Variants in NAALADL2 observed in about 807,000 individuals in gnomAD.
NAALADL2 encodes N-acetylated alpha-linked acidic dipeptidase like 2, also known as inactive N-acetylated-alpha-linked acidic dipeptidase-like protein 2.
Under a neutral mutation model 87.2 loss-of-function variants are expected in NAALADL2, and 76 were observed. The observed-to-expected ratio is 0.87, with a 90% CI of 0.72 to 1.05. The LOEUF is 1.05. NAALADL2 is among the 50% of genes least tolerant of loss of function. The pLI is 0.00. For missense variants in NAALADL2, 1,089 were observed against 945.8 expected (o/e 1.15, Z -1.99); for synonymous variants, 354 against 331.0 (o/e 1.07, Z -0.75).
At chr3:175,025,242 G>GA (rs202134073) in intron 1 of NAALADL2, among the ~76,000 whole-genome samples, 16 of 149,148 alleles carry the variant, frequency 1.1e-4, no homozygotes, top group Admixed American at 4.0e-4. Context: ...GCAGGCATAT[G>GA]AAAAAAAAAA....
chr3:175,793,069 C>T (rs751806464), intron 13 of NAALADL2, among the ~76,000 whole-genome samples: 7 of 152,116 alleles, frequency 4.6e-5, no homozygotes, highest in Admixed American at 1.3e-4. Context: ...GAAAGAATTA[C>T]CTTTTGCTTA....
chr3:174,685,120 T>A lies in NAALADL2; in HGVS notation c.-114-52521T>A, dbSNP rs368711272. ...TTCCCTGAATGGTCCCAAATGTATA[T>A]CCTACGCTCAGATCTCTCCCCAAAA... On this transcript the variant is annotated intron_variant, in intron 2 of 3. Transcript: ENST00000434257. 6.1e-4 allele frequency among the ~76,000 whole-genome samples: 93 copies of A among 152,220 alleles called. 2 individuals carry two copies. The South Asian group carries it at 0.018, about 30-fold the overall frequency.
chr3:175,379,760 G>T (rs1767570995), intron 5 of NAALADL2, among the ~76,000 whole-genome samples: 1 of 151,976 alleles, frequency 6.6e-6, no homozygotes, highest in Non-Finnish European at 1.5e-5. Context: ...AGGTTTGTCT[G>T]ATTGAATATG....
At chr3:175,498,214 G>T (rs554033353) in intron 9 of NAALADL2, among the ~76,000 whole-genome samples, 31 of 152,110 alleles carry the variant, frequency 2.0e-4, no homozygotes, top group African/African-American at 7.2e-4. Context: ...AGCCTCAAAA[G>T]GACAAATCTA....
At chr3:174,876,353 C>T (rs1047337336) in intron 1 of NAALADL2, among the ~76,000 whole-genome samples, 3 of 152,124 alleles carry the variant, frequency 2.0e-5, no homozygotes, top group Non-Finnish European at 4.4e-5. Context: ...TGCTACATTT[C>T]CTTTCTTCCA....
intron 1 of NAALADL2, among the ~76,000 whole-genome samples, chr3:175,011,393 G>T (rs148150155): frequency 6.6e-6 from 1 of 151,458 alleles, no homozygotes; most frequent in East Asian, 1.9e-4. Context: ...CCAGCTTGTT[G>T]GTCACTGGAC....
At chr3:174,865,005 T>C (rs967050608) in intron 1 of NAALADL2, among the ~76,000 whole-genome samples, 70 of 152,074 alleles carry the variant, frequency 4.6e-4, no homozygotes, top group Non-Finnish European at 1.2e-4. Flanking sequence ...AGGAAAAGTA[T>C]GTGTCAATAG....
chr3:175,038,308 T>C (rs1297931280), intron 1 of NAALADL2, among the ~76,000 whole-genome samples: 1 of 152,018 alleles, frequency 6.6e-6, no homozygotes, highest in African/African-American at 2.4e-5. Flanking sequence ...AATAAAGCTA[T>C]ACACTGAGTA....
intron 1 of NAALADL2, among the ~76,000 whole-genome samples, chr3:174,475,213 A>G (rs1220516707): frequency 6.6e-6 from 1 of 151,978 alleles, no homozygotes; most frequent in East Asian, 1.9e-4. Context: ...AGGAATTTCA[A>G]AGTCTAAAAG....
At chr3:175,489,352 T>C (rs1337309023) in intron 9 of NAALADL2, among the ~76,000 whole-genome samples, 2 of 152,202 alleles carry the variant, frequency 1.3e-5, no homozygotes, top group Non-Finnish European at 2.9e-5. Context: ...AATAGTTAAA[T>C]TGGTATATGG....
chr3:175,049,483 T>C (rs1044574718), intron 1 of NAALADL2, among the ~76,000 whole-genome samples: 1 of 152,164 alleles, frequency 6.6e-6, no homozygotes, highest in Non-Finnish European at 1.5e-5. Flanking sequence ...TAAGCCAGGA[T>C]GTGTATAGTG....
intron 11 of NAALADL2, among the ~76,000 whole-genome samples, chr3:175,633,847 G>A (rs539572311): frequency 3.3e-5 from 5 of 151,538 alleles, no homozygotes; most frequent in South Asian, 4.2e-4. Flanking sequence ...ATGGATATAC[G>A]TTTCTTCCTG....
intron 13 of NAALADL2, among the ~76,000 whole-genome samples, chr3:175,785,986 A>C (rs1020082956): frequency 6.6e-6 from 1 of 151,960 alleles, no homozygotes; most frequent in Non-Finnish European, 1.5e-5. Flanking sequence ...CTGGATATGA[A>C]ATTCTGGGTT....
At chr3:175,138,520 A>G (rs1162220384) in intron 2 of NAALADL2, among the ~76,000 whole-genome samples, 1 of 151,950 alleles carries the variant, frequency 6.6e-6, no homozygotes, top group African/African-American at 2.4e-5. Flanking sequence ...GGACACCTTA[A>G]GATTAATGTC....
intron 13 of NAALADL2, among the ~76,000 whole-genome samples, chr3:175,797,083 C>T (rs1291977565): frequency 6.6e-6 from 1 of 151,982 alleles, no homozygotes; most frequent in Non-Finnish European, 1.5e-5. Flanking sequence ...CTTTCCTGGT[C>T]ACCATGATGT....
intron 1 of NAALADL2, among the ~76,000 whole-genome samples, chr3:174,942,435 C>A (rs938304735): frequency 1.3e-5 from 2 of 152,134 alleles, no homozygotes; most frequent in African/African-American, 4.8e-5. Flanking sequence ...TTGCAGCTAA[C>A]CTGCCCTTTC....
At chr3:174,704,291 T>A (rs185186827) in intron 2 of NAALADL2, among the ~76,000 whole-genome samples, 6 of 152,262 alleles carry the variant, frequency 3.9e-5, no homozygotes, top group African/African-American at 1.4e-4. Context: ...CAATTTCAAA[T>A]ACAGACTTTA....
intron 6 of NAALADL2, among the ~76,000 whole-genome samples, chr3:175,453,918 C>T (rs1241983379): frequency 1.3e-5 from 2 of 152,090 alleles, no homozygotes; most frequent in Non-Finnish European, 2.9e-5. Flanking sequence ...GGTGTTTATA[C>T]ATTCAAATAT....
At chr3:175,730,577 A>G (rs1477156718) in intron 11 of NAALADL2, among the ~76,000 whole-genome samples, 1 of 150,564 alleles carries the variant, frequency 6.6e-6, no homozygotes, top group Non-Finnish European at 1.5e-5. Flanking sequence ...GTTTCTATGT[A>G]TAGTTTTTAT....
Sources: allele counts gnomAD v4.1 joint callset (sites outside exome capture counted in the v4.1 genomes callset), GRCh38; gene constraint gnomAD v4.1.1; transcripts MANE v1.5; gene names NCBI Gene and HGNC (gene_info 2026-07-23, HGNC 2026-07-21).